The following STARD13 variants were observed in gnomAD, a reference collection of about 807,000 sequenced individuals.
STARD13 encodes StAR related lipid transfer domain containing 13.
In STARD13, 62 loss-of-function variants were observed where a neutral mutation model predicts 106.4. The observed-to-expected ratio is 0.58, with a 90% confidence interval of 0.48 to 0.72. The LOEUF (loss-of-function observed/expected upper bound fraction) is 0.72. Among genes scored for constraint, STARD13 ranks in the 30% least tolerant of loss-of-function variants. The pLI is 0.00. For synonymous variants in STARD13, 565 were observed against 553.0 expected, an observed-to-expected ratio of 1.02 and a Z score of -0.31; for missense variants, 1,387 against 1,424.0, an observed-to-expected ratio of 0.97 and a Z score of 0.42.
At chr13:33,423,472 AGGAAT>A in the STARD13 span, among the ~76,000 whole-genome samples, 23,523 of 151,946 alleles carry the variant, frequency 0.15, 4,322 homozygotes, top group African/African-American at 0.44. Flanking sequence ...GTGGAGAAAT[AGGAAT>A]GCTTTTACAC....
chr13:33,504,118 C>T, the STARD13 span, among the ~76,000 whole-genome samples: 15 of 151,952 alleles, frequency 9.9e-5, no homozygotes, highest in African/African-American at 2.4e-4. Context: ...GGTGCTGGAG[C>T]GGATGTGGAG....
intron 1 of STARD13, chr13:33,279,800 A>G (rs1452176438): frequency 6.6e-6 from 1 of 152,174 alleles, no homozygotes; most frequent in African/African-American, 2.4e-5. Context: ...TAGTTTTACT[A>G]TGTAGTAATT....
At chr13:33,197,212 C>T (rs1255829280) in intron 1 of STARD13, among the ~76,000 whole-genome samples, 6 of 152,282 alleles carry the variant, frequency 3.9e-5, no homozygotes, top group South Asian at 2.1e-4. Flanking sequence ...CCCCAGGTCC[C>T]GCTCAGCCAG....
the STARD13 span, among the ~76,000 whole-genome samples, chr13:33,472,499 C>T: frequency 1.3e-5 from 2 of 152,052 alleles, no homozygotes; most frequent in African/African-American, 4.8e-5. Flanking sequence ...AGAGCTCTAC[C>T]GACTAGGTTC....
At chr13:33,337,797 C>G (rs997024756) in intron 1 of STARD13, among the ~76,000 whole-genome samples, 2 of 152,336 alleles carry the variant, frequency 1.3e-5, no homozygotes, top group Admixed American at 1.3e-4. Flanking sequence ...CTGGCTTCCC[C>G]TGAGTGCAGG....
chr13:33,127,878 TGTATGTGA>T (rs1877462487), intron 5 of STARD13, among the ~76,000 whole-genome samples: 2 of 84,124 alleles, frequency 2.4e-5, no homozygotes, highest in South Asian at 3.9e-4. Flanking sequence ...TGTGTGTGTG[TGTATGTGA>T]GAGAGAGAGA....
At chr13:33,236,069 T>C (rs1484017001) in intron 1 of STARD13, among the ~76,000 whole-genome samples, 1 of 152,196 alleles carries the variant, frequency 6.6e-6, no homozygotes. Context: ...CTTAAAATTA[T>C]GAAAACGTAC....
At chr13:33,136,824 A>G (rs2138204936) in intron 4 of STARD13, among the ~76,000 whole-genome samples, 1 of 152,290 alleles carries the variant, frequency 6.6e-6, no homozygotes, top group South Asian at 2.1e-4. Context: ...ATGTGGGACA[A>G]GAACCTGGGA....
chr13:33,151,114 T>C (rs74535039), intron 3 of STARD13, among the ~76,000 whole-genome samples: 4,896 of 147,650 alleles, frequency 0.033, 276 homozygotes, highest in African/African-American at 0.11. Context: ...AAATTTGCTG[T>C]CTAGGCAAGG....
At chr13:33,551,568 CCTTTTTTTTTTTTTTTTTTTTTT>C in the STARD13 span, among the ~76,000 whole-genome samples, 687 of 44,780 alleles carry the variant, frequency 0.015, 121 homozygotes, top group South Asian at 0.021. Context: ...TTTGCTTTTC[CCTTTTTTTTTTTTTTTTTTTTTT>C]TTTTTTTTTT....
chr13:33,515,489 A>C, the STARD13 span, among the ~76,000 whole-genome samples: 1 of 152,196 alleles, frequency 6.6e-6, no homozygotes, highest in Non-Finnish European at 1.5e-5. Flanking sequence ...AAACAAGGAA[A>C]GTGCAGAGAT....
In STARD13 at chr13:33,306,522, T is replaced by C. The variant is rs9597174; in HGVS notation, c.124+43768A>G. ...AGCTTCTGCACAGCAAAATAAACTATCATCAAAGTGACCAGACAAACTACA... is the reference window on the plus strand; with the variant it reads ...AGCTTCTGCACAGCAAAATAAACTACCATCAAAGTGACCAGACAAACTACA... On this transcript the variant is annotated intron_variant, in intron 1 of 5. Coordinates refer to the STARD13 transcript ENST00000567873. Among the ~76,000 whole-genome samples, 1,521 of 152,232 alleles carry C rather than the reference T, an allele frequency of 1.0e-2. 13 individuals carry two copies. The highest frequency in any genetic ancestry group is 0.014 in the Non-Finnish European group (931 of 68,006).
rs113799013 is a variant in STARD13 at position 33,307,774 on chromosome 13, T to A, written c.124+42516A>T. On this transcript the variant is annotated intron_variant, in intron 1 of 5. Transcript: ENST00000567873. The stretch of plus-strand genomic sequence containing the variant: ...CCTCCATGGTACACATTTACCCATA[T>A]AACAAATCTACATATCCTACGCATG... Among the ~76,000 whole-genome samples the A allele has an allele frequency of 6.0e-3, 916 of 152,240 alleles. 13 individuals carry two copies. Among genetic ancestry groups the A allele is most frequent in the African/African-American group, 0.021 (881 of 41,548 alleles).
At chr13:33,235,592 G>A (rs761241113) in intron 1 of STARD13, among the ~76,000 whole-genome samples, 3 of 152,290 alleles carry the variant, frequency 2.0e-5, no homozygotes, top group Admixed American at 6.5e-5. Context: ...CAACTGTTAG[G>A]TATTTCTTTT....
chr13:33,110,704 T>G lies in STARD13; in HGVS notation c.2811A>C (p.Thr937=), dbSNP rs754952218. 1 of 1,614,062 alleles carries G rather than the reference T, an allele frequency of 6.2e-7. No individual in the cohort carries two copies. The highest frequency in any genetic ancestry group is 1.3e-5 in the African/African-American group (1 of 74,956). ...GWVTCSSTDN[T]DLAFKKVGDG... is the part of the protein sequence containing the mutation. ...AGATTACCTTTTTGAAAGCAAGATC[T>G]GTATTGTCCGTGCTGGAGCACGTGA... Residue 937 remains threonine, a synonymous_variant, in exon 11 of 14, where the codon ACA becomes ACC. Coordinates refer to ENST00000336934, the MANE Select transcript of STARD13 (RefSeq NM_178006.4).
chr13:33,426,917 C>G, the STARD13 span, among the ~76,000 whole-genome samples: 1 of 152,032 alleles, frequency 6.6e-6, no homozygotes, highest in African/African-American at 2.4e-5. Context: ...TTGGCTTCTC[C>G]TTCTATTCTC....
At chr13:33,630,208 G>A in the STARD13 span, among the ~76,000 whole-genome samples, 1,447 of 152,300 alleles carry the variant, frequency 9.5e-3, 25 homozygotes, top group African/African-American at 0.033. Context: ...ACTCAGCAAA[G>A]CAGCTGCTGA....
chr13:33,375,213 T>C, the STARD13 span, among the ~76,000 whole-genome samples: 41 of 152,188 alleles, frequency 2.7e-4, 1 homozygote, highest in South Asian at 1.0e-3. Flanking sequence ...AAGAGGCTGT[T>C]AATAGAAACC....
chr13:33,676,767 T>C, the STARD13 span: 1 of 152,146 alleles, frequency 6.6e-6, no homozygotes, highest in African/African-American at 2.4e-5. Context: ...GTCTCATCTG[T>C]CATAGCACTC....
Sources: allele counts gnomAD v4.1 joint callset (sites outside exome capture counted in the v4.1 genomes callset), GRCh38; gene constraint gnomAD v4.1.1; transcripts MANE v1.5; gene names NCBI Gene and HGNC (gene_info 2026-07-23, HGNC 2026-07-21).